Variants in ADGRL2 observed in about 807,000 individuals in gnomAD.
ADGRL2 encodes calcium-independent alpha-latrotoxin receptor 2.
ADGRL2 carries 44 observed loss-of-function variants against 157.4 expected under a neutral mutation model. That is an observed-to-expected ratio of 0.28 (90% CI 0.22 to 0.36). The LOEUF is 0.36. Ranked by LOEUF, ADGRL2 falls within the 10% of genes least tolerant of loss-of-function variation. The pLI, the probability that ADGRL2 is intolerant of heterozygous loss-of-function variation, is 1.00. For synonymous variants in ADGRL2, 585 were observed against 624.7 expected, an observed-to-expected ratio of 0.94 and a Z score of 0.95; for missense variants, 1,510 against 1,768.9, an observed-to-expected ratio of 0.85 and a Z score of 2.63.
At chr1:81,863,859 T>C (rs1031591340) in intron 2 of ADGRL2, among the ~76,000 whole-genome samples, 18 of 152,154 alleles carry the variant, frequency 1.2e-4, no homozygotes, top group African/African-American at 4.3e-4. Context: ...ACACCCTAGA[T>C]AGACTCTTGT....
intron 2 of ADGRL2, among the ~76,000 whole-genome samples, chr1:81,517,335 G>A (rs2079201551): frequency 6.6e-6 from 1 of 151,874 alleles, no homozygotes; most frequent in South Asian, 2.1e-4. Context: ...GCTGGGCATG[G>A]TGGTGCACGC....
At position 81,650,410 on chromosome 1, in the gene ADGRL2, C is replaced by A. The variant is rs180756515; in HGVS notation, c.-143+69430C>A. On this transcript the variant is annotated intron_variant, in intron 3 of 24. Coordinates refer to the ADGRL2 transcript ENST00000370721. ...CATGGTAAAAAAAACCCCATCTCTACTAAAAAAATACAAAAATTAGCTGGG... is the reference window on the plus strand; with the variant it reads ...CATGGTAAAAAAAACCCCATCTCTAATAAAAAAATACAAAAATTAGCTGGG... Among the ~76,000 whole-genome samples, 703 of 151,662 alleles carry A rather than the reference C, an allele frequency of 4.6e-3. 5 individuals carry two copies. The highest frequency in any genetic ancestry group is 7.6e-3 in the Non-Finnish European group (519 of 67,906).
At chr1:81,332,279 C>T (rs1003155454) in intron 1 of ADGRL2, among the ~76,000 whole-genome samples, 1 of 152,032 alleles carries the variant, frequency 6.6e-6, no homozygotes, top group Non-Finnish European at 1.5e-5. Context: ...ATACTCACAA[C>T]TTCATTTTTT....
At chr1:81,464,738 T>G (rs984581193) in intron 2 of ADGRL2, among the ~76,000 whole-genome samples, 3 of 152,170 alleles carry the variant, frequency 2.0e-5, no homozygotes, top group Admixed American at 6.5e-5. Context: ...CCGCTCTTTT[T>G]CCTTTTGACA....
intron 3 of ADGRL2, among the ~76,000 whole-genome samples, chr1:81,662,191 ATTAAG>A (rs1168051197): frequency 6.6e-6 from 1 of 151,862 alleles, no homozygotes; most frequent in Non-Finnish European, 1.5e-5. Context: ...AAAGTGTACA[ATTAAG>A]TTATTATTGA....
rs1370887279 is a variant in ADGRL2, at chr1:81,582,905, C to A, written c.-143+1925C>A. 4.6e-5 allele frequency among the ~76,000 whole-genome samples: 7 copies of A among 151,992 alleles called. No individual in the cohort carries two copies. In the East Asian group the frequency reaches 1.4e-3, roughly 29 times the overall value. On this transcript the variant is annotated intron_variant, in intron 3 of 24. Coordinates refer to the ADGRL2 transcript ENST00000370721. Reference sequence around the variant, plus strand: ...TTAGATGGGAAAATACCTTGGCAACCACACAGCCACCCCCAACACACAACA... The same window carrying A: ...TTAGATGGGAAAATACCTTGGCAACAACACAGCCACCCCCAACACACAACA...
chr1:81,880,955 G>C (rs1483857143), intron 2 of ADGRL2, among the ~76,000 whole-genome samples: 1 of 151,728 alleles, frequency 6.6e-6, no homozygotes, highest in African/African-American at 2.4e-5. Flanking sequence ...CTTAAACATT[G>C]TGGTGTTATT....
intron 1 of ADGRL2, among the ~76,000 whole-genome samples, chr1:81,832,246 A>G (rs575319036): frequency 1.3e-5 from 2 of 151,940 alleles, no homozygotes; most frequent in African/African-American, 4.8e-5. Flanking sequence ...GGTTCAAGCA[A>G]TTCTCCTTCC....
intron 2 of ADGRL2, among the ~76,000 whole-genome samples, chr1:81,778,193 G>A (rs1168897836): frequency 7.8e-6 from 1 of 128,966 alleles, no homozygotes; most frequent in African/African-American, 3.3e-5. Flanking sequence ...ATGGTGGCGG[G>A]CACTTGTAGT....
chr1:81,337,443 C>G (rs1353001860), intron 1 of ADGRL2, among the ~76,000 whole-genome samples: 1 of 152,118 alleles, frequency 6.6e-6, no homozygotes, highest in Non-Finnish European at 1.5e-5. Flanking sequence ...CTTCGTGCTC[C>G]CTGTCCCATG....
At chr1:81,412,529 A>G (rs1383593053) in intron 1 of ADGRL2, among the ~76,000 whole-genome samples, 1 of 152,182 alleles carries the variant, frequency 6.6e-6, no homozygotes, top group East Asian at 1.9e-4. Flanking sequence ...CATGTATCAC[A>G]TAGTGTAGTA....
At chr1:81,609,804 A>G (rs1431612208) in intron 3 of ADGRL2, among the ~76,000 whole-genome samples, 1 of 152,222 alleles carries the variant, frequency 6.6e-6, no homozygotes, top group Non-Finnish European at 1.5e-5. Context: ...TCCTAAGAAT[A>G]AGGAGTTTTC....
At chr1:81,879,970 T>G (rs1190537068) in intron 2 of ADGRL2, among the ~76,000 whole-genome samples, 2 of 152,188 alleles carry the variant, frequency 1.3e-5, no homozygotes, top group Non-Finnish European at 2.9e-5. Flanking sequence ...GAGGTTGCAG[T>G]GAGCCAAGAT....
At chr1:81,970,275 T>G in intron 15 of ADGRL2, 39 bp from the exon 16 acceptor site, 4 of 1,387,644 alleles carry the variant, frequency 2.9e-6, no homozygotes, top group African/African-American at 1.4e-5. Context: ...TTTTTATTCA[T>G]GAGTTTTCTT....
At chr1:81,455,666 G>A (rs2077790283) in intron 2 of ADGRL2, among the ~76,000 whole-genome samples, 1 of 152,160 alleles carries the variant, frequency 6.6e-6, no homozygotes. Context: ...GGAAAAAGGG[G>A]AAGTCATACA....
chr1:81,742,639 C>A (rs546553758), intron 1 of ADGRL2, among the ~76,000 whole-genome samples: 1 of 151,980 alleles, frequency 6.6e-6, no homozygotes, highest in East Asian at 1.9e-4. Context: ...ATCAACACTC[C>A]AGAAAAGAGA....
At chr1:81,593,354 G>A (rs1017492113) in intron 3 of ADGRL2, among the ~76,000 whole-genome samples, 8 of 152,188 alleles carry the variant, frequency 5.3e-5, no homozygotes, top group African/African-American at 1.9e-4. Flanking sequence ...TACTGGAGCT[G>A]TAAACTTGGG....
At chr1:81,485,257 A>G (rs1053743579) in intron 2 of ADGRL2, among the ~76,000 whole-genome samples, 4 of 151,994 alleles carry the variant, frequency 2.6e-5, no homozygotes, top group African/African-American at 7.2e-5. Context: ...TCATTAGGGA[A>G]TTTTCAAGAT....
At chr1:81,551,500 A>C (rs2080145473) in intron 2 of ADGRL2, among the ~76,000 whole-genome samples, 1 of 152,246 alleles carries the variant, frequency 6.6e-6, no homozygotes, top group Admixed American at 6.5e-5. Context: ...CCTTAGGAAT[A>C]GCTCATTTGC....
Sources: allele counts gnomAD v4.1 joint callset (sites outside exome capture counted in the v4.1 genomes callset), GRCh38; gene constraint gnomAD v4.1.1; transcripts MANE v1.5; gene names NCBI Gene and HGNC (gene_info 2026-07-23, HGNC 2026-07-21).